Variants in SDC3 observed in about 807,000 individuals in gnomAD.
SDC3 encodes syndecan-3.
Under a neutral mutation model 24.4 loss-of-function variants are expected in SDC3, and 13 were observed. The observed-to-expected ratio is 0.53, with a 90% CI of 0.35 to 0.85. The LOEUF (loss-of-function observed/expected upper bound fraction) is 0.85. SDC3 is among the 40% of genes least tolerant of loss of function. The probability of loss-of-function intolerance (pLI) is 0.01; values close to 1 mark genes in which losing one functional copy is unlikely to be tolerated. For synonymous variants in SDC3, 295 were observed against 260.9 expected (o/e 1.13, Z -1.26); for missense variants, 571 against 584.5 (o/e 0.98, Z 0.24).
intron 1 of SDC3, among the ~76,000 whole-genome samples, chr1:30,900,039 T>C (rs1167337394): frequency 6.6e-6 from 1 of 152,228 alleles, no homozygotes; most frequent in African/African-American, 2.4e-5. Flanking sequence ...CTTTTCTACA[T>C]AGACACAGTA....
chr1:30,875,794 G>A (rs958358145), intron 3 of SDC3, among the ~76,000 whole-genome samples: 17 of 152,172 alleles, frequency 1.1e-4, no homozygotes, highest in African/African-American at 3.1e-4. Flanking sequence ...GACTGTCATC[G>A]CTGGCTGCGG....
chr1:30,887,895 G>A (rs943185485), intron 1 of SDC3, among the ~76,000 whole-genome samples: 5 of 152,248 alleles, frequency 3.3e-5, no homozygotes, highest in African/African-American at 1.2e-4. Flanking sequence ...GTGTAAAACC[G>A]AGGAATGAAC....
intron 1 of SDC3, among the ~76,000 whole-genome samples, chr1:30,899,553 G>A (rs1428770868): frequency 6.6e-6 from 1 of 152,110 alleles, no homozygotes; most frequent in Non-Finnish European, 1.5e-5. Context: ...TGTGTCTTTA[G>A]TAGAGATGGA....
intron 1 of SDC3, among the ~76,000 whole-genome samples, chr1:30,907,380 C>T (rs1041383192): frequency 2.0e-5 from 3 of 152,216 alleles, no homozygotes; most frequent in Admixed American, 6.5e-5. Context: ...CAAAGGGACA[C>T]TCAAGGGTCA....
intron 1 of SDC3, among the ~76,000 whole-genome samples, chr1:30,892,092 C>T (rs1639914798): frequency 6.6e-6 from 1 of 151,710 alleles, no homozygotes; most frequent in South Asian, 2.1e-4. Context: ...GCCCCTTCTC[C>T]ACACAGCTAC....
chr1:30,898,759 T>C (rs1207569967), intron 1 of SDC3, among the ~76,000 whole-genome samples: 1 of 152,170 alleles, frequency 6.6e-6, no homozygotes, highest in Non-Finnish European at 1.5e-5. Flanking sequence ...GTCTTTCTGA[T>C]AGTTCCTCAA....
At chr1:30,899,243 T>C (rs1444581451) in intron 1 of SDC3, among the ~76,000 whole-genome samples, 1 of 152,066 alleles carries the variant, frequency 6.6e-6, no homozygotes, top group East Asian at 1.9e-4. Flanking sequence ...TGCACCACCA[T>C]GCCCAGCTAA....
intron 1 of SDC3, among the ~76,000 whole-genome samples, chr1:30,897,580 A>G (rs959219838): frequency 3.3e-5 from 5 of 151,808 alleles, no homozygotes; most frequent in African/African-American, 1.2e-4. Flanking sequence ...CAGCCACACA[A>G]GTTCAGGTAC....
intron 1 of SDC3, among the ~76,000 whole-genome samples, chr1:30,906,934 T>A (rs931633476): frequency 6.6e-6 from 1 of 152,210 alleles, no homozygotes; most frequent in African/African-American, 2.4e-5. Flanking sequence ...TGAGACATCC[T>A]GGCCAGCAGG....
intron 1 of SDC3, among the ~76,000 whole-genome samples, chr1:30,895,207 C>T (rs1639983727): frequency 6.6e-6 from 1 of 152,158 alleles, no homozygotes; most frequent in Admixed American, 6.5e-5. Context: ...AGCACAGACA[C>T]ACAACAACAT....
chr1:30,909,497 AG>A (rs1205563048), upstream of SDC3, among the ~76,000 whole-genome samples: 1 of 152,156 alleles, frequency 6.6e-6, no homozygotes, highest in Non-Finnish European at 1.5e-5. Flanking sequence ...CAGGATGGCG[AG>A]AAAAGTACAT....
chr1:30,903,860 T>C (rs933474777), intron 1 of SDC3, among the ~76,000 whole-genome samples: 5 of 152,188 alleles, frequency 3.3e-5, no homozygotes, highest in African/African-American at 1.2e-4. Flanking sequence ...ATACTAGCTC[T>C]GCCACTTCTG....
chr1:30,897,855 GA>G (rs1638306473), intron 1 of SDC3, among the ~76,000 whole-genome samples: 1 of 152,228 alleles, frequency 6.6e-6, no homozygotes, highest in Admixed American at 6.5e-5. Context: ...GTTTATAGAT[GA>G]AACATTTGGC....
intron 1 of SDC3, among the ~76,000 whole-genome samples, chr1:30,892,121 A>C (rs1231301748): frequency 2.0e-5 from 3 of 151,092 alleles, no homozygotes; most frequent in African/African-American, 7.3e-5. Context: ...CCTCTCCCCC[A>C]CTGAGCTCAG....
chr1:30,880,718 C>A (rs1253327392), intron 1 of SDC3: 1 of 151,870 alleles, frequency 6.6e-6, no homozygotes. Flanking sequence ...GCTGCAACTC[C>A]CAGAGGGGAC....
At chr1:30,887,239 T>G (rs890554145) in intron 1 of SDC3, among the ~76,000 whole-genome samples, 2 of 151,764 alleles carry the variant, frequency 1.3e-5, no homozygotes, top group African/African-American at 2.4e-5. Context: ...CCAGGCTCCA[T>G]GACGGTCACT....
In SDC3 at chr1:30,869,536, CAAAAAAAAAAA is replaced by C. The variant is rs11338317; in HGVS notation, c.*3664_*3674del. The stretch of plus-strand genomic sequence containing the variant: ...AGGAAGTGTTAAAAAAACAAACAAA[CAAAAAAAAAAA>C]AAAAAAAAAAAAAACAAAAACAAAA... On this transcript the variant is annotated 3_prime_UTR_variant, in exon 5 of 5. Transcript: ENST00000339394. The C allele has an allele frequency of 8.6e-6, 3 of 348,286 alleles. No homozygotes were observed. The highest frequency in any genetic ancestry group is 5.2e-5 in the African/African-American group (2 of 38,386). The allele number at this position is 348,286 out of a possible 1,614,324, so 21.6% of individuals were successfully genotyped here. A position where few individuals can be genotyped will look rare whatever the true frequency, so the allele number is the denominator to read the frequency against.
In SDC3 at chr1:30,875,278, C is replaced by A. The variant is rs138424984; in HGVS notation, c.871-690G>T. Among the ~76,000 whole-genome samples the A allele has an allele frequency of 5.6e-3, 846 of 152,346 alleles. 4 individuals are homozygous for A. The highest frequency in any genetic ancestry group is 0.02 in the African/African-American group (827 of 41,572). On this transcript the variant is annotated intron_variant, in intron 3 of 4. Transcript: ENST00000339394. ...GCCTGATGTCCAGGCTGAAAAGAGG[C>A]TGCAGCAGTGCCCCAGCGTACACAG...
Position 30,870,095 on chromosome 1 carries a change from C to T in SDC3, c.*3116G>A, listed in dbSNP as rs1639506216. The T allele has an allele frequency of 2.5e-6, 1 of 394,778 alleles. No homozygotes were observed. Among genetic ancestry groups the T allele is most frequent in the East Asian group, 3.6e-5 (1 of 27,924 alleles). 24.5% of individuals were successfully genotyped at this position (394,778 alleles called of 1,614,324 possible). Reference sequence around the variant, plus strand: ...AAATCCAGAGAACACAGGAGGCAGCCACTCCTACCCCATGAGGCAGAGGGT... The same window carrying T: ...AAATCCAGAGAACACAGGAGGCAGCTACTCCTACCCCATGAGGCAGAGGGT... On this transcript the variant is annotated 3_prime_UTR_variant, in exon 5 of 5. Coordinates refer to ENST00000339394, the MANE Select transcript of SDC3 (RefSeq NM_014654.4).
Sources: allele counts gnomAD v4.1 joint callset (sites outside exome capture counted in the v4.1 genomes callset), GRCh38; gene constraint gnomAD v4.1.1; transcripts MANE v1.5; gene names NCBI Gene and HGNC (gene_info 2026-07-23, HGNC 2026-07-21).